Variants in NEBL observed in about 807,000 individuals in gnomAD.
The protein encoded by NEBL is nebulette.
Under a neutral mutation model 140.2 loss-of-function variants are expected in NEBL, and 122 were observed. The observed-to-expected ratio is 0.87, with a 90% CI of 0.75 to 1.01. The LOEUF (loss-of-function observed/expected upper bound fraction) is 1.01, where lower values mean the gene tolerates loss of function less well. Ranked by LOEUF, NEBL falls within the 50% of genes least tolerant of loss-of-function variation. The probability of loss-of-function intolerance (pLI) is 0.00; values close to 1 mark genes in which losing one functional copy is unlikely to be tolerated. For missense variants in NEBL, 1,365 were observed against 1,231.3 expected (o/e 1.11, Z -1.62); for synonymous variants, 436 against 398.9 (o/e 1.09, Z -1.11).
At chr10:20,840,979 G>A in intron 12 of NEBL, 130 bp from the exon 13 acceptor site, 1 of 660,592 alleles carries the variant, frequency 1.5e-6, no homozygotes, top group African/African-American at 1.8e-5. Flanking sequence ...ACACAGCTAA[G>A]TATTCATGCT....
intron 2 of NEBL, among the ~76,000 whole-genome samples, chr10:21,022,793 G>A (rs1038165198): frequency 6.6e-6 from 1 of 152,210 alleles, no homozygotes; most frequent in African/African-American, 2.4e-5. Context: ...CCGCTGGACT[G>A]TCAAGAGATA....
At chr10:21,098,956 G>A (rs904065200) in intron 2 of NEBL, among the ~76,000 whole-genome samples, 2 of 151,984 alleles carry the variant, frequency 1.3e-5, no homozygotes, top group Non-Finnish European at 2.9e-5. Context: ...GGGCATCACA[G>A]CAAGAAACCA....
intron 4 of NEBL, among the ~76,000 whole-genome samples, chr10:20,959,477 C>G (rs1483967149): frequency 6.6e-6 from 1 of 152,062 alleles, no homozygotes; most frequent in African/African-American, 2.4e-5. Flanking sequence ...GAAAACTGGA[C>G]TTGCCAAAGT....
At chr10:20,997,471 TAAAAAAAAAAAAAAAAAAAAAAA>T (rs55712388) in intron 3 of NEBL, among the ~76,000 whole-genome samples, 37 of 25,176 alleles carry the variant, frequency 1.5e-3, no homozygotes, top group Admixed American at 4.1e-3. Flanking sequence ...ACAGTCTCAG[TAAAAAAAAAAAAAAAAAAAAAAA>T]AAAAAAAAAA....
intron 4 of NEBL, among the ~76,000 whole-genome samples, chr10:20,909,445 A>G (rs1296295572): frequency 6.6e-6 from 1 of 152,112 alleles, no homozygotes; most frequent in Non-Finnish European, 1.5e-5. Context: ...TGCCTCTAAG[A>G]TATTGGACAC....
intron 1 of NEBL, among the ~76,000 whole-genome samples, chr10:21,256,623 G>C (rs1842662944): frequency 6.6e-6 from 1 of 152,164 alleles, no homozygotes; most frequent in South Asian, 2.1e-4. Flanking sequence ...TTGAGGCCAG[G>C]AGTTCGAGAC....
intron 3 of NEBL, among the ~76,000 whole-genome samples, chr10:21,192,629 G>C (rs1277849956): frequency 2.6e-5 from 4 of 151,608 alleles, no homozygotes; most frequent in African/African-American, 9.7e-5. Context: ...TGGATCACTT[G>C]AGTTCAGGAG....
intron 16 of NEBL, 46 bp from the exon 17 acceptor site, chr10:20,828,680 G>C (rs201596786): frequency 7.9e-7 from 1 of 1,268,108 alleles, no homozygotes; most frequent in African/African-American, 1.5e-5. Flanking sequence ...ATGTGTGTGC[G>C]CACATGTGAG....
chr10:21,130,872 A>G (rs541815117), intron 2 of NEBL, among the ~76,000 whole-genome samples: 1 of 152,148 alleles, frequency 6.6e-6, no homozygotes, highest in South Asian at 2.1e-4. Context: ...AGCAGAAAAA[A>G]AGAAATAATA....
chr10:21,288,820 G>GTATATATATATA lies in NEBL; in HGVS notation n.182+3998_182+4009dup, dbSNP rs71392181. Among the ~76,000 whole-genome samples the GTATATATATATA allele has an allele frequency of 3.6e-3, 125 of 34,962 alleles. 4 individuals are homozygous for GTATATATATATA. Among genetic ancestry groups the GTATATATATATA allele is most frequent in the East Asian group, 0.015 (6 of 402 alleles). The allele number at this position is 34,962 out of a possible 152,430, so 22.9% of individuals were successfully genotyped here. A position where few individuals can be genotyped will look rare whatever the true frequency, so the allele number is the denominator to read the frequency against. ...TCTGACAATATATACGTGTGTGTGT[G>GTATATATATATA]TATATATATATATATATATATATAT... On this transcript the variant is annotated intron_variant and non_coding_transcript_variant, in intron 1 of 8. Coordinates refer to the NEBL transcript ENST00000675702.
intron 4 of NEBL, among the ~76,000 whole-genome samples, chr10:20,952,904 C>CAAAAAAAAAAAAAA (rs34713711): frequency 2.3e-4 from 14 of 62,114 alleles, no homozygotes; most frequent in Admixed American, 9.1e-4. Flanking sequence ...GACCCTGTCT[C>CAAAAAAAAAAAAAA]AAAAAAAAAA....
At chr10:21,185,783 C>T (rs773051122) in intron 3 of NEBL, among the ~76,000 whole-genome samples, 15 of 152,178 alleles carry the variant, frequency 9.9e-5, no homozygotes, top group Non-Finnish European at 2.1e-4. Context: ...CAGGCGTGAC[C>T]CACTGCGCCC....
intron 3 of NEBL, among the ~76,000 whole-genome samples, chr10:21,189,309 T>A (rs1050920956): frequency 4.0e-5 from 6 of 151,408 alleles, no homozygotes; most frequent in African/African-American, 1.5e-4. Flanking sequence ...GAGACTGGAG[T>A]GATGCAACCA....
chr10:20,803,487 C>T (rs117646116), intron 26 of NEBL, among the ~76,000 whole-genome samples: 3,525 of 152,184 alleles, frequency 0.023, 64 homozygotes, highest in Non-Finnish European at 0.031. Context: ...ATTTTAACTA[C>T]ATTTTGTTTT....
chr10:21,129,252 T>C (rs1661316707), intron 2 of NEBL, among the ~76,000 whole-genome samples: 3 of 151,914 alleles, frequency 2.0e-5, no homozygotes, highest in Admixed American at 2.0e-4. Flanking sequence ...AGAGGTAAAA[T>C]TAAAAAATTT....
At chr10:20,803,803 T>G (rs1837350069) in intron 26 of NEBL, among the ~76,000 whole-genome samples, 2 of 132,514 alleles carry the variant, frequency 1.5e-5, no homozygotes, top group Admixed American at 7.5e-5. Flanking sequence ...TCTTTCCTTC[T>G]GTACGAAAAA....
chr10:21,155,064 T>G (rs1246367262), intron 2 of NEBL, among the ~76,000 whole-genome samples: 1 of 152,108 alleles, frequency 6.6e-6, no homozygotes, highest in Non-Finnish European at 1.5e-5. Context: ...CCAGGGGTGA[T>G]GGTGCACACC....
chr10:20,989,804 G>A (rs575123952), intron 3 of NEBL, among the ~76,000 whole-genome samples: 4 of 152,220 alleles, frequency 2.6e-5, no homozygotes, highest in African/African-American at 9.6e-5. Flanking sequence ...TGGAGCAGGG[G>A]TCCTTACCCT....
intron 3 of NEBL, among the ~76,000 whole-genome samples, chr10:21,183,493 C>A (rs922535576): frequency 1.3e-5 from 2 of 152,140 alleles, no homozygotes; most frequent in South Asian, 4.1e-4. Context: ...AGGGAGGCTG[C>A]AGGGTTTTCT....
Sources: allele counts gnomAD v4.1 joint callset (sites outside exome capture counted in the v4.1 genomes callset), GRCh38; gene constraint gnomAD v4.1.1; transcripts MANE v1.5; gene names NCBI Gene and HGNC (gene_info 2026-07-23, HGNC 2026-07-21).